The following SMC1B variants were observed in gnomAD, a reference collection of about 807,000 sequenced individuals.
SMC1B encodes the protein structural maintenance of chromosomes protein 1B.
Under a neutral mutation model 157.9 loss-of-function variants are expected in SMC1B, and 60 were observed. That is an observed-to-expected ratio of 0.38 (90% CI 0.31 to 0.47). The LOEUF is 0.47. Among genes scored for constraint, SMC1B ranks in the 20% least tolerant of loss-of-function variants. The probability of loss-of-function intolerance (pLI) is 0.99; values close to 1 mark genes in which losing one functional copy is unlikely to be tolerated. For missense variants in SMC1B, 1,165 were observed against 1,426.2 expected, an observed-to-expected ratio of 0.82 and a Z score of 2.95; for synonymous variants, 445 against 483.0, an observed-to-expected ratio of 0.92 and a Z score of 1.03.
chr22:45,389,634 T>G, intron 10 of SMC1B, 78 bp downstream of exon 10: 1 of 1,300,482 alleles, frequency 7.7e-7, no homozygotes, highest in Non-Finnish European at 1.1e-6. Context: ...ATCACTATCA[T>G]AGTTTTAGGC....
chr22:45,350,095 T>C (rs899569795), intron 22 of SMC1B, among the ~76,000 whole-genome samples: 1 of 152,092 alleles, frequency 6.6e-6, no homozygotes, highest in African/African-American at 2.4e-5. Flanking sequence ...CTGAGAACTC[T>C]TCATCTCTCC....
chr22:45,361,523 G>A (rs537291835), intron 17 of SMC1B, among the ~76,000 whole-genome samples: 36 of 152,194 alleles, frequency 2.4e-4, no homozygotes, highest in Non-Finnish European at 4.3e-4. Context: ...CTACTTGGGG[G>A]AGACTAAGGC....
intron 19 of SMC1B, among the ~76,000 whole-genome samples, chr22:45,358,083 G>T (rs2086686688): frequency 6.6e-6 from 1 of 152,222 alleles, no homozygotes; most frequent in African/African-American, 2.4e-5. Flanking sequence ...GTTGTGAAGA[G>T]CTTCCAGGTT....
chr22:45,386,737 T>C, intron 11 of SMC1B, 130 bp downstream of exon 11: 1 of 741,990 alleles, frequency 1.3e-6, no homozygotes, highest in Admixed American at 3.0e-5. Flanking sequence ...CCTTAGGTTC[T>C]ATGTTGGTTC....
At chr22:45,377,819 AG>A (rs2086897831) in intron 12 of SMC1B, among the ~76,000 whole-genome samples, 1 of 151,332 alleles carries the variant, frequency 6.6e-6, no homozygotes, top group Non-Finnish European at 1.5e-5. Flanking sequence ...TACAGGCAAA[AG>A]CCACCACGCC....
intron 20 of SMC1B, 42 bp downstream of exon 20, chr22:45,354,917 A>C (rs2086654997): frequency 6.3e-7 from 1 of 1,586,500 alleles, no homozygotes; most frequent in African/African-American, 1.3e-5. Flanking sequence ...CAATCAAAAC[A>C]CCCATGAATA....
chr22:45,396,492 T>C lies in SMC1B; in HGVS notation c.1114-6A>G, dbSNP rs763132669. 13 of 1,602,296 alleles carry C rather than the reference T, an allele frequency of 8.1e-6. No homozygotes were observed. The highest frequency in any genetic ancestry group is 7.0e-5 in the Admixed American group (4 of 57,468). The stretch of plus-strand genomic sequence containing the variant: ...AGTTCTTTATAACGATCCAGCTGCA[T>C]AAACAGTATTGAAAAATTGCTAATT... On this transcript the variant is annotated splice_region_variant and splice_polypyrimidine_tract_variant and intron_variant, in intron 6 of 24. Transcript: ENST00000357450.
intron 15 of SMC1B, among the ~76,000 whole-genome samples, chr22:45,369,193 T>G (rs1399565554): frequency 6.6e-6 from 1 of 151,972 alleles, no homozygotes; most frequent in East Asian, 1.9e-4. Context: ...ACCTCCCAGG[T>G]TCATGCCATT....
chr22:45,393,963 G>T, intron 8 of SMC1B, 122 bp from the exon 9 acceptor site: 1 of 650,602 alleles, frequency 1.5e-6, no homozygotes. Flanking sequence ...ATTTTTAAAG[G>T]GTAAAAAATG....
intron 20 of SMC1B, among the ~76,000 whole-genome samples, chr22:45,354,635 C>T (rs1321591854): frequency 6.6e-6 from 1 of 152,138 alleles, no homozygotes; most frequent in Non-Finnish European, 1.5e-5. Flanking sequence ...AGATGATCCG[C>T]CCACCTCAGC....
At chr22:45,358,824 T>C in intron 18 of SMC1B, 29 bp from the exon 19 acceptor site, 1 of 1,530,832 alleles carries the variant, frequency 6.5e-7, no homozygotes, top group Non-Finnish European at 9.0e-7. Context: ...CATACATTTG[T>C]TGATTAAGTT....
intron 5 of SMC1B, among the ~76,000 whole-genome samples, chr22:45,402,104 C>T (rs896661910): frequency 2.0e-5 from 3 of 152,046 alleles, no homozygotes; most frequent in Non-Finnish European, 2.9e-5. Context: ...AGGATGGTCT[C>T]GATCTCCTTA....
intron 14 of SMC1B, among the ~76,000 whole-genome samples, 194 bp from the exon 15 acceptor site, chr22:45,370,254 T>C (rs1436546991): frequency 6.6e-6 from 1 of 152,212 alleles, no homozygotes; most frequent in Non-Finnish European, 1.5e-5. Context: ...TCAAATTTCT[T>C]ATTCAAAAAA....
At chr22:45,371,365 C>T in intron 14 of SMC1B, 106 bp downstream of exon 14, 2 of 1,377,754 alleles carry the variant, frequency 1.5e-6, no homozygotes, top group Non-Finnish European at 1.9e-6. Context: ...TGACAGGGCA[C>T]TGTTACCTAT....
chr22:45,385,225 C>G (rs921577225), intron 11 of SMC1B, among the ~76,000 whole-genome samples: 1 of 152,052 alleles, frequency 6.6e-6, no homozygotes, highest in South Asian at 2.1e-4. Flanking sequence ...CAAACTATAG[C>G]TAGCAGAATT....
intron 11 of SMC1B, among the ~76,000 whole-genome samples, chr22:45,383,833 A>G (rs928612317): frequency 2.0e-5 from 3 of 152,224 alleles, no homozygotes; most frequent in African/African-American, 7.2e-5. Flanking sequence ...TAGGCAATAA[A>G]TTATTGATTT....
chr22:45,358,143 G>A (rs1015148362), intron 19 of SMC1B, among the ~76,000 whole-genome samples: 9 of 152,214 alleles, frequency 5.9e-5, no homozygotes, highest in African/African-American at 1.9e-4. Flanking sequence ...GAGAAGGTGT[G>A]AGAGAGGGCA....
rs1462519251 is a variant in SMC1B, at chr22:45,344,525, C to G, written c.*31G>C. On this transcript the variant is annotated 3_prime_UTR_variant, in exon 25 of 25. Coordinates refer to ENST00000357450, the MANE Select transcript of SMC1B (RefSeq NM_148674.5). ...TGTGAGTATTAGAGTGGGAACTGAA[C>G]AGTGATCAGGTGACTGCTGCAGGAC... is the stretch of plus-strand genomic sequence containing the variant. The G allele has an allele frequency of 3.3e-6, 5 of 1,492,788 alleles. No homozygotes were observed. The highest frequency in any genetic ancestry group is 1.4e-5 in the African/African-American group (1 of 72,446). 92.5% of individuals were successfully genotyped at this position (1,492,788 alleles called of 1,614,324 possible).
At chr22:45,380,333 G>T (rs136584) in intron 12 of SMC1B, among the ~76,000 whole-genome samples, 1 of 152,000 alleles carries the variant, frequency 6.6e-6, no homozygotes, top group Non-Finnish European at 1.5e-5. Flanking sequence ...CCAAACGTAC[G>T]TGAAACTCTG....
Sources: allele counts gnomAD v4.1 joint callset (sites outside exome capture counted in the v4.1 genomes callset), GRCh38; gene constraint gnomAD v4.1.1; transcripts MANE v1.5; gene names NCBI Gene and HGNC (gene_info 2026-07-23, HGNC 2026-07-21).